The following VAC14 variants were observed in gnomAD, a reference collection of about 807,000 sequenced individuals.
VAC14 encodes protein VAC14 homolog.
Under a neutral mutation model 85.3 loss-of-function variants are expected in VAC14, and 47 were observed. That is an observed-to-expected ratio of 0.55 (90% confidence interval 0.44 to 0.70). VAC14 has a LOEUF of 0.70. Among genes scored for constraint, VAC14 ranks in the 30% least tolerant of loss-of-function variants. VAC14 has a pLI of 0.00. For missense variants in VAC14, 861 were observed against 1,004.3 expected (o/e 0.86, Z 1.93); for synonymous variants, 447 against 430.5 (o/e 1.04, Z -0.47).
In VAC14 at chr16:70,744,567, C is replaced by T. The variant is rs1356330207; in HGVS notation, c.1384G>A (p.Asp462Asn). ...GCGATTTCTGCCAGCACCTCCAGGTCCTTCAGGATCACCTGGGGAGAGAAG... is the reference window on the plus strand; with the variant it reads ...GCGATTTCTGCCAGCACCTCCAGGTTCTTCAGGATCACCTGGGGAGAGAAG... ...SDESDEVILK[D>N]LEVLAEIASS... Residue 462 changes from aspartate (D) to asparagine (N), a missense_variant, in exon 13 of 19, where the codon GAC becomes AAC. Transcript: ENST00000261776. The T allele has an allele frequency of 1.2e-6, 2 of 1,601,146 alleles. No individual in the cohort carries two copies. The highest frequency in any genetic ancestry group is 2.7e-5 in the African/African-American group (2 of 74,622).
intron 14 of VAC14, chr16:70,714,387 G>C (rs534411357): frequency 1.3e-5 from 2 of 152,370 alleles, no homozygotes; most frequent in South Asian, 2.1e-4. Context: ...GGGGGGCCCA[G>C]GAGAAGCAGA....
chr16:70,745,518 T>TGTGC (rs374204849), intron 12 of VAC14, among the ~76,000 whole-genome samples: 1,982 of 141,092 alleles, frequency 0.014, 82 homozygotes, highest in African/African-American at 0.052. Flanking sequence ...TGTGTGTGTG[T>TGTGC]GCGCGTGTGC....
chr16:70,758,955 G>A (rs2032092099), intron 12 of VAC14, among the ~76,000 whole-genome samples: 1 of 152,226 alleles, frequency 6.6e-6, no homozygotes, highest in Non-Finnish European at 1.5e-5. Flanking sequence ...TAATGGGAAG[G>A]CAGAGACAAC....
chr16:70,777,070 G>A (rs1025619755), intron 9 of VAC14, among the ~76,000 whole-genome samples: 9 of 151,672 alleles, frequency 5.9e-5, no homozygotes, highest in Admixed American at 5.3e-4. Flanking sequence ...GCCTCCCAAA[G>A]TGCTGGGATT....
At chr16:70,770,320 GCCC>G (rs956873650) in intron 10 of VAC14, 4 of 152,364 alleles carry the variant, frequency 2.6e-5, no homozygotes, top group African/African-American at 9.7e-5. Context: ...CCCAGCCTGA[GCCC>G]CCATCCCCTC....
At chr16:70,766,519 C>T (rs1267225312) in intron 10 of VAC14, 1 of 456,790 alleles carries the variant, frequency 2.2e-6, no homozygotes, top group Non-Finnish European at 4.4e-6. Context: ...CCGCACTCAA[C>T]CCAGAACCTC....
At chr16:70,757,243 T>G (rs1210252459) in intron 12 of VAC14, among the ~76,000 whole-genome samples, 1 of 152,220 alleles carries the variant, frequency 6.6e-6, no homozygotes, top group Non-Finnish European at 1.5e-5. Flanking sequence ...CTTCTCGATC[T>G]CAAAGGTTTT....
chr16:70,724,954 A>C (rs1306217716), intron 14 of VAC14, among the ~76,000 whole-genome samples: 1 of 152,254 alleles, frequency 6.6e-6, no homozygotes, highest in Non-Finnish European at 1.5e-5. Flanking sequence ...TCTAGCAAAC[A>C]GACTTAGGTT....
rs1186042526 is a variant in VAC14, at chr16:70,783,420, G to C, written c.704+25C>G. On this transcript the variant is annotated intron_variant, in intron 6 of 18. Coordinates refer to ENST00000261776, the MANE Select transcript of VAC14 (RefSeq NM_018052.5). Reference sequence around the variant, plus strand: ...CAGCTGGGGGTGGCAGGAGGCAGCAGCTTCCTGCCCCTTACTCCACTCACA... The same window carrying C: ...CAGCTGGGGGTGGCAGGAGGCAGCACCTTCCTGCCCCTTACTCCACTCACA... 1.9e-6 allele frequency: 3 copies of C among 1,608,422 alleles called. No homozygotes were observed. The African/African-American group carries it at 4.0e-5, about 21-fold the overall frequency.
In VAC14 at chr16:70,695,564, A is replaced by T. The variant is rs754998135; in HGVS notation, c.2015T>A (p.Ile672Asn). Reference sequence around the variant, plus strand: ...CTTACATGTGAAGATGGGGCACTCAATCAGCTGCACCAGCTTGTCCACCTC... The same window carrying T: ...CTTACATGTGAAGATGGGGCACTCATTCAGCTGCACCAGCTTGTCCACCTC... ...LAEVDKLVQL[I>N]ECPIFTYLRL... The change falls in exon 17 of 19, where the codon ATT becomes AAT. Residue 672 changes from isoleucine to asparagine, a missense_variant. Around this residue, in one of 3 missense-constraint regions of VAC14, gnomAD observed 163 missense variants for 162.2 expected, o/e 1.00. Transcript: ENST00000261776. 6.2e-7 allele frequency: 1 copy of T among 1,613,928 alleles called. No individual in the cohort carries two copies. The highest frequency in any genetic ancestry group is 8.5e-7 in the Non-Finnish European group (1 of 1,179,968).
At position 70,697,296 on chromosome 16, in the gene VAC14, C is replaced by T. The variant is rs753993638; in HGVS notation, c.1837-39G>A. Reference sequence around the variant, plus strand: ...GGCATGAGCCGTGAGGACACGCCTGCTCCTTGCCCCTACCCGGTCCACGTG... The same window carrying T: ...GGCATGAGCCGTGAGGACACGCCTGTTCCTTGCCCCTACCCGGTCCACGTG... On this transcript the variant is annotated intron_variant, in intron 15 of 18. Coordinates refer to ENST00000261776, the MANE Select transcript of VAC14 (RefSeq NM_018052.5). 54 of 1,550,880 alleles carry T rather than the reference C, an allele frequency of 3.5e-5. No homozygotes were observed. The African/African-American group carries it at 6.7e-4, about 19-fold the overall frequency.
At chr16:70,789,540 C>A (rs747504704) in intron 1 of VAC14, among the ~76,000 whole-genome samples, 4 of 152,200 alleles carry the variant, frequency 2.6e-5, no homozygotes, top group African/African-American at 4.8e-5. Flanking sequence ...TTCTCGCCTG[C>A]CACGCGGGAG....
chr16:70,738,968 T>A (rs1248322143), intron 13 of VAC14, among the ~76,000 whole-genome samples: 1 of 152,186 alleles, frequency 6.6e-6, no homozygotes, highest in Non-Finnish European at 1.5e-5. Context: ...CAGCCTGAGA[T>A]AAGCAAGTGT....
At chr16:70,800,585 G>A (rs187033924) in intron 1 of VAC14, among the ~76,000 whole-genome samples, 6,303 of 152,266 alleles carry the variant, frequency 0.041, 450 homozygotes, top group African/African-American at 0.14. Flanking sequence ...TGTGGCACCG[G>A]GAGGTTAAAA....
At chr16:70,734,066 C>T (rs1374036125) in intron 13 of VAC14, among the ~76,000 whole-genome samples, 1 of 152,200 alleles carries the variant, frequency 6.6e-6, no homozygotes, top group Non-Finnish European at 1.5e-5. Context: ...TCGTGATCTG[C>T]CTGCCTTGGC....
At chr16:70,776,643 T>C (rs569155225) in intron 9 of VAC14, among the ~76,000 whole-genome samples, 25 of 152,326 alleles carry the variant, frequency 1.6e-4, no homozygotes, top group Admixed American at 1.1e-3. Flanking sequence ...TTGCCCAGGC[T>C]GGACTTAAAT....
At chr16:70,688,165 T>C in intron 18 of VAC14, 75 bp from the exon 19 acceptor site, 2 of 1,394,282 alleles carry the variant, frequency 1.4e-6, no homozygotes, top group Non-Finnish European at 1.9e-6. Flanking sequence ...GGCAGTGGGG[T>C]CAGAGGCAGA....
Position 70,694,234 on chromosome 16 carries a change from G to C in VAC14, c.2036-1263C>G, listed in dbSNP as rs146172543. On this transcript the variant is annotated intron_variant, in intron 17 of 18. Transcript: ENST00000261776. ...AGGGAGGGAGGGCAGTCATCCTAGGGATGCTTCTGGAATGCCAAGAATGTA... is the reference window on the plus strand; with the variant it reads ...AGGGAGGGAGGGCAGTCATCCTAGGCATGCTTCTGGAATGCCAAGAATGTA... 2.7e-3 allele frequency among the ~76,000 whole-genome samples: 409 copies of C among 152,316 alleles called. 1 individual carries two copies. The highest frequency in any genetic ancestry group is 4.4e-3 in the Non-Finnish European group (300 of 68,002).
At chr16:70,794,739 C>T (rs1013744359) in intron 1 of VAC14, among the ~76,000 whole-genome samples, 3 of 152,112 alleles carry the variant, frequency 2.0e-5, no homozygotes, top group African/African-American at 7.2e-5. Context: ...GTCACAGCCC[C>T]CAGGGGCCAG....
Sources: gnomAD v4.1 joint callset for allele counts (sites outside exome capture counted in the v4.1 genomes callset) on GRCh38, gnomAD v4.1.1 for gene constraint, gnomAD v4.1.1 regional missense constraint, MANE v1.5 for transcripts, NCBI Gene and HGNC (gene_info 2026-07-23, HGNC 2026-07-21) for gene names.